Variants in PPP1R14C observed in about 807,000 individuals in gnomAD.
The protein encoded by PPP1R14C is protein phosphatase 1 regulatory subunit 14C.
Under a neutral mutation model 20.4 loss-of-function variants are expected in PPP1R14C, and 16 were observed. The ratio of observed to expected loss-of-function variants is 0.78; its 90% CI spans 0.53 to 1.19. The LOEUF (loss-of-function observed/expected upper bound fraction) is 1.19. PPP1R14C is among the 50% of genes most tolerant of loss of function. PPP1R14C has a pLI of 0.00. For missense variants in PPP1R14C, 211 were observed against 220.1 expected, an observed-to-expected ratio of 0.96 and a Z score of 0.26; for synonymous variants, 91 against 91.0, an observed-to-expected ratio of 1.00 and a Z score of 0.00.
intron 1 of PPP1R14C, among the ~76,000 whole-genome samples, chr6:150,173,469 C>G (rs1777521105): frequency 6.6e-6 from 1 of 152,102 alleles, no homozygotes; most frequent in South Asian, 2.1e-4. Context: ...TCGGAGAGGC[C>G]ACTGTAAAAA....
At chr6:150,221,639 T>G (rs1344121546) in intron 3 of PPP1R14C, among the ~76,000 whole-genome samples, 32 of 152,096 alleles carry the variant, frequency 2.1e-4, no homozygotes, top group Admixed American at 2.0e-3. Flanking sequence ...GGAATTTGAG[T>G]CAAAAGTCTT....
chr6:150,181,844 C>T (rs926277749), intron 1 of PPP1R14C, among the ~76,000 whole-genome samples: 29 of 152,106 alleles, frequency 1.9e-4, no homozygotes, highest in Admixed American at 1.3e-3. Flanking sequence ...TTTTGATCTA[C>T]GACAGGTTTT....
intron 3 of PPP1R14C, among the ~76,000 whole-genome samples, chr6:150,247,773 G>T (rs769898299): frequency 6.6e-6 from 1 of 152,158 alleles, no homozygotes; most frequent in Non-Finnish European, 1.5e-5. Flanking sequence ...AGTAGCATCA[G>T]TGTCACCTGG....
At chr6:150,161,808 T>A (rs950877144) in intron 1 of PPP1R14C, among the ~76,000 whole-genome samples, 1 of 152,260 alleles carries the variant, frequency 6.6e-6, no homozygotes, top group Non-Finnish European at 1.5e-5. Flanking sequence ...TGCATACATT[T>A]GTAATATAGA....
intron 3 of PPP1R14C, among the ~76,000 whole-genome samples, chr6:150,218,235 C>G (rs897967678): frequency 5.3e-5 from 8 of 152,036 alleles, no homozygotes; most frequent in Admixed American, 6.6e-5. Context: ...AACCCCGTCT[C>G]TACTAAAAAT....
At chr6:150,204,996 CTT>C (rs10683235) in intron 1 of PPP1R14C, among the ~76,000 whole-genome samples, 5 of 143,290 alleles carry the variant, frequency 3.5e-5, no homozygotes, top group Non-Finnish European at 6.1e-5. Flanking sequence ...AACTCAGAGT[CTT>C]TTTTTTTTTT....
Position 150,249,248 on chromosome 6 carries a change from G to T in PPP1R14C, c.*428G>T, listed in dbSNP as rs1420692691. The T allele has an allele frequency of 5.0e-6, 2 of 399,376 alleles. No individual in the cohort carries two copies. The highest frequency in any genetic ancestry group is 4.4e-5 in the Admixed American group (1 of 22,830). The allele number at this position is 399,376 out of a possible 1,614,324, so 24.7% of individuals were successfully genotyped here. A position where few individuals can be genotyped will look rare whatever the true frequency, so the allele number is the denominator to read the frequency against. On this transcript the variant is annotated 3_prime_UTR_variant, in exon 4 of 4. Transcript: ENST00000361131. The stretch of plus-strand genomic sequence containing the variant: ...CTCAGCTGTCAAATTTCTCACACTT[G>T]TATATATCTACACACAACTAAGTTA...
intron 1 of PPP1R14C, among the ~76,000 whole-genome samples, chr6:150,161,890 T>G (rs976445703): frequency 7.9e-5 from 12 of 152,352 alleles, no homozygotes; most frequent in African/African-American, 2.4e-4. Context: ...TTAAATTTGC[T>G]TACATTGTAC....
Position 150,192,465 on chromosome 6 carries a change from A to G in PPP1R14C, c.307-22279A>G, listed in dbSNP as rs1373302124. Among the ~76,000 whole-genome samples the G allele has an allele frequency of 5.3e-5, 8 of 152,136 alleles. No individual in the cohort carries two copies. The South Asian group carries it at 8.3e-4, about 16-fold the overall frequency. On this transcript the variant is annotated intron_variant, in intron 1 of 3. Coordinates refer to ENST00000361131, the MANE Select transcript of PPP1R14C (RefSeq NM_030949.3). ...ACTCCTATGAGAATCTAGTGCTCCC[A>G]CTGATCAACAAGAGACAGGGCTCAG...
chr6:150,195,006 TTTAC>T, intron 1 of PPP1R14C: 2 of 985,108 alleles, frequency 2.0e-6, no homozygotes, highest in South Asian at 4.7e-5. Flanking sequence ...TGCTTTGTAC[TTTAC>T]TTACATACCT....
intron 1 of PPP1R14C, among the ~76,000 whole-genome samples, chr6:150,183,227 C>T (rs1777641694): frequency 6.6e-6 from 1 of 151,552 alleles, no homozygotes; most frequent in Non-Finnish European, 1.5e-5. Context: ...TGTTAGCAAG[C>T]AATTCTGGCT....
intron 1 of PPP1R14C, among the ~76,000 whole-genome samples, chr6:150,200,806 A>T (rs1479029359): frequency 6.6e-6 from 1 of 152,176 alleles, no homozygotes; most frequent in Non-Finnish European, 1.5e-5. Flanking sequence ...TATCTGCCTC[A>T]CAAGGAGTGT....
chr6:150,234,374 A>T (rs1582931595), intron 3 of PPP1R14C, among the ~76,000 whole-genome samples: 1 of 152,130 alleles, frequency 6.6e-6, no homozygotes, highest in African/African-American at 2.4e-5. Flanking sequence ...CAACTCAGCC[A>T]TTGCATTACT....
chr6:150,210,150 G>T (rs578191742), intron 1 of PPP1R14C, among the ~76,000 whole-genome samples: 270 of 152,252 alleles, frequency 1.8e-3, no homozygotes, highest in African/African-American at 6.2e-3. Flanking sequence ...GTTCTGCAGC[G>T]CTTCCCAGTG....
chr6:150,176,213 G>A (rs1376607892), intron 1 of PPP1R14C, among the ~76,000 whole-genome samples: 3 of 152,238 alleles, frequency 2.0e-5, no homozygotes, highest in Non-Finnish European at 2.9e-5. Context: ...AGCGCTTGGA[G>A]CCAGCCCTAC....
rs1018458808 is a variant in PPP1R14C, at chr6:150,197,257, C to T, written c.307-17487C>T. Reference sequence around the variant, plus strand: ...GGAGCCCAGTGTGAGAGGCTCTGCTCCCGCCTGCGGCACTTCCCTGCACCT... The same window carrying T: ...GGAGCCCAGTGTGAGAGGCTCTGCTTCCGCCTGCGGCACTTCCCTGCACCT... On this transcript the variant is annotated intron_variant, in intron 1 of 3. Coordinates refer to ENST00000361131, the MANE Select transcript of PPP1R14C (RefSeq NM_030949.3). Among the ~76,000 whole-genome samples the T allele has an allele frequency of 3.4e-5, 5 of 148,610 alleles. No individual in the cohort carries two copies. In the South Asian group the frequency reaches 1.0e-3, roughly 31 times the overall value.
At chr6:150,183,621 C>T (rs1352863983) in intron 1 of PPP1R14C, among the ~76,000 whole-genome samples, 13 of 152,088 alleles carry the variant, frequency 8.5e-5, no homozygotes, top group Non-Finnish European at 7.4e-5. Context: ...AAGCGATTCT[C>T]CTGCCTCAGC....
At chr6:150,145,640 A>G (rs1777172463) in intron 1 of PPP1R14C, among the ~76,000 whole-genome samples, 1 of 152,226 alleles carries the variant, frequency 6.6e-6, no homozygotes, top group South Asian at 2.1e-4. Context: ...CTTTGTTGAT[A>G]GCTTCAAGTA....
chr6:150,189,337 C>T (rs1777715279), intron 1 of PPP1R14C, among the ~76,000 whole-genome samples: 1 of 152,184 alleles, frequency 6.6e-6, no homozygotes. Context: ...ACCCCTCACA[C>T]CCCATTTCTT....
Sources: gnomAD v4.1 joint callset for allele counts (sites outside exome capture counted in the v4.1 genomes callset) on GRCh38, gnomAD v4.1.1 for gene constraint, MANE v1.5 for transcripts, NCBI Gene and HGNC (gene_info 2026-07-23, HGNC 2026-07-21) for gene names.